Variants in ASIC2 observed in about 807,000 individuals in gnomAD.
ASIC2 encodes acid-sensing ion channel 2.
In ASIC2, 25 loss-of-function variants were observed where a neutral mutation model predicts 57.3. The observed-to-expected ratio is 0.44, with a 90% CI of 0.32 to 0.61. ASIC2 has a LOEUF of 0.61. Ranked by LOEUF, ASIC2 falls within the 20% of genes least tolerant of loss-of-function variation. ASIC2 has a pLI of 0.06. For missense variants in ASIC2, 641 were observed against 738.1 expected (o/e 0.87, Z 1.52); for synonymous variants, 319 against 307.5 (o/e 1.04, Z -0.39).
At chr17:33,932,686 C>G (rs917460648) in intron 1 of ASIC2, 6 of 119,524 alleles carry the variant, frequency 5.0e-5, no homozygotes, top group African/African-American at 2.0e-4. Context: ...GCACTCCAGC[C>G]TGGGCAACAA....
chr17:34,012,208 G>A (rs1906792577), intron 1 of ASIC2, among the ~76,000 whole-genome samples: 1 of 152,094 alleles, frequency 6.6e-6, no homozygotes, highest in Non-Finnish European at 1.5e-5. Context: ...AGAAACTCCA[G>A]GCCCCCGAAC....
rs11314344 is a variant in ASIC2 at position 33,831,583 on chromosome 17, T to TA, written c.555+324394dup. The stretch of plus-strand genomic sequence containing the variant: ...CTTAAAATCTTTCTCTGATCTGAAG[T>TA]AAAAAAAAAAAAAAAATAGAGTCCT... On this transcript the variant is annotated intron_variant, in intron 1 of 9. Transcript: ENST00000359872. Among the ~76,000 whole-genome samples the TA allele has an allele frequency of 5.5e-3, 782 of 142,696 alleles. 2 individuals are homozygous for TA. Among genetic ancestry groups the TA allele is most frequent in the Non-Finnish European group, 7.4e-3 (485 of 65,488 alleles). 93.6% of individuals were successfully genotyped at this position (142,696 alleles called of 152,430 possible). A position where few individuals can be genotyped will look rare whatever the true frequency, so the allele number is the denominator to read the frequency against.
chr17:33,125,715 C>G (rs1237726625), intron 1 of ASIC2, among the ~76,000 whole-genome samples: 1 of 152,206 alleles, frequency 6.6e-6, no homozygotes, highest in Non-Finnish European at 1.5e-5. Flanking sequence ...TTACAGAATG[C>G]AACTCTTCAG....
At chr17:33,374,491 A>G (rs979553691) in intron 1 of ASIC2, among the ~76,000 whole-genome samples, 3 of 152,030 alleles carry the variant, frequency 2.0e-5, no homozygotes, top group African/African-American at 7.2e-5. Context: ...TGCCCACCAA[A>G]TTATCCGTAA....
intron 1 of ASIC2, among the ~76,000 whole-genome samples, chr17:33,192,514 T>G (rs1379855279): frequency 6.6e-6 from 1 of 152,256 alleles, no homozygotes; most frequent in Non-Finnish European, 1.5e-5. Context: ...GTGACATTTA[T>G]GAAGGACTAT....
intron 1 of ASIC2, among the ~76,000 whole-genome samples, chr17:33,492,922 C>T (rs1433912475): frequency 6.6e-6 from 1 of 152,212 alleles, no homozygotes; most frequent in African/African-American, 2.4e-5. Flanking sequence ...CCCGTGCAGC[C>T]CTGCCCTCTA....
At chr17:33,164,146 T>A (rs1905239173) in intron 1 of ASIC2, among the ~76,000 whole-genome samples, 1 of 152,156 alleles carries the variant, frequency 6.6e-6, no homozygotes, top group Non-Finnish European at 1.5e-5. Flanking sequence ...TCCTGGCAAG[T>A]CTTCTTGCCC....
rs576681748 is a variant in ASIC2 at position 34,040,489 on chromosome 17, A to T, written c.555+115489T>A. On this transcript the variant is annotated intron_variant, in intron 1 of 9. Transcript: ENST00000359872. ...TGGGGGGGGTCCCCGCTGCCCCCTG[A>T]ATTTGTTTATTCACTTAATCATCCT... 3.9e-3 allele frequency among the ~76,000 whole-genome samples: 596 copies of T among 151,740 alleles called. 4 individuals carry two copies. The highest frequency in any genetic ancestry group is 0.014 in the African/African-American group (560 of 41,268).
intron 1 of ASIC2, among the ~76,000 whole-genome samples, chr17:33,285,436 G>A (rs1905110900): frequency 6.6e-6 from 1 of 152,190 alleles, no homozygotes; most frequent in African/African-American, 2.4e-5. Flanking sequence ...AGAAATGGTT[G>A]GCTGAAAAAC....
Position 33,500,686 on chromosome 17 carries a change from G to A in ASIC2, c.556-388619C>T, listed in dbSNP as rs116089472. ...TTTCCAGGGGGCAGGGAATATGTGGGCAACGTTCTGAAACTTATCCGATGA... is the reference window on the plus strand; with the variant it reads ...TTTCCAGGGGGCAGGGAATATGTGGACAACGTTCTGAAACTTATCCGATGA... On this transcript the variant is annotated intron_variant, in intron 1 of 9. Transcript: ENST00000359872. Among the ~76,000 whole-genome samples, 938 of 152,336 alleles carry A rather than the reference G, an allele frequency of 6.2e-3. 5 individuals carry two copies. The highest frequency in any genetic ancestry group is 0.031 in the Middle Eastern group (9 of 294).
At chr17:33,516,492 C>G (rs1482263386) in intron 1 of ASIC2, among the ~76,000 whole-genome samples, 1 of 152,018 alleles carries the variant, frequency 6.6e-6, no homozygotes, top group East Asian at 1.9e-4. Context: ...CTCAACCTAA[C>G]TACACATTAG....
At chr17:33,034,462 A>T (rs2091900369) in intron 3 of ASIC2, among the ~76,000 whole-genome samples, 1 of 152,170 alleles carries the variant, frequency 6.6e-6, no homozygotes. Flanking sequence ...GTGCCACTGC[A>T]CTCCAGCCTG....
At chr17:34,071,480 T>C (rs890265949) in intron 1 of ASIC2, 3 of 151,836 alleles carry the variant, frequency 2.0e-5, no homozygotes, top group African/African-American at 7.3e-5. Flanking sequence ...AAAAATCCAA[T>C]AAGGACACTT....
intron 2 of ASIC2, among the ~76,000 whole-genome samples, chr17:33,092,486 G>T (rs750917111): frequency 6.6e-6 from 1 of 152,258 alleles, no homozygotes; most frequent in Non-Finnish European, 1.5e-5. Flanking sequence ...CTCCTAGATG[G>T]CTTGGGTGAT....
intron 1 of ASIC2, among the ~76,000 whole-genome samples, chr17:33,222,096 T>C (rs1171032128): frequency 1.3e-5 from 2 of 152,176 alleles, no homozygotes; most frequent in Non-Finnish European, 2.9e-5. Context: ...GGATGCTTTT[T>C]GTAGTTAAAA....
At chr17:33,859,659 A>G (rs1914054309) in intron 1 of ASIC2, among the ~76,000 whole-genome samples, 1 of 152,174 alleles carries the variant, frequency 6.6e-6, no homozygotes, top group South Asian at 2.1e-4. Context: ...GGCCATGGTG[A>G]CATGGGCAGG....
Position 33,442,507 on chromosome 17 carries a change from T to A in ASIC2, c.556-330440A>T, listed in dbSNP as rs117676815. On this transcript the variant is annotated intron_variant, in intron 1 of 9. Coordinates refer to the ASIC2 transcript ENST00000359872. ...TTGTTAAATTTATTCTTAAGTATTT[T>A]ACTCTTTTTGATGACATCATAAATG... 2.6e-5 allele frequency among the ~76,000 whole-genome samples: 4 copies of A among 152,366 alleles called. No homozygotes were observed. In the East Asian group the frequency reaches 7.7e-4, roughly 29 times the overall value.
chr17:33,334,601 G>A (rs1212721008), intron 1 of ASIC2, among the ~76,000 whole-genome samples: 1 of 152,184 alleles, frequency 6.6e-6, no homozygotes, highest in East Asian at 1.9e-4. Flanking sequence ...ACCAAAGAGG[G>A]CATTCTTACA....
chr17:33,080,452 GC>G (rs1378624101), intron 3 of ASIC2, among the ~76,000 whole-genome samples: 1 of 152,048 alleles, frequency 6.6e-6, no homozygotes, highest in African/African-American at 2.4e-5. Flanking sequence ...AGTACTGCAG[GC>G]CCCCCTTATC....
Sources: gnomAD v4.1 joint callset for allele counts (sites outside exome capture counted in the v4.1 genomes callset) on GRCh38, gnomAD v4.1.1 for gene constraint, MANE v1.5 for transcripts, NCBI Gene and HGNC (gene_info 2026-07-23, HGNC 2026-07-21) for gene names.